WDFY2: variants seen among roughly 807,000 people sequenced by gnomAD.
WDFY2 encodes the protein WD repeat and FYVE domain containing 2.
In WDFY2, 36 loss-of-function variants were observed where a neutral mutation model predicts 56.4. The ratio of observed to expected loss-of-function variants is 0.64; its 90% CI spans 0.49 to 0.84. The LOEUF (loss-of-function observed/expected upper bound fraction) is 0.84, where lower values mean the gene tolerates loss of function less well. Ranked by LOEUF, WDFY2 falls within the 40% of genes least tolerant of loss-of-function variation. The pLI, the probability that WDFY2 is intolerant of heterozygous loss-of-function variation, is 0.00. For synonymous variants in WDFY2, 176 were observed against 183.7 expected (o/e 0.96, Z 0.34); for missense variants, 444 against 512.2 (o/e 0.87, Z 1.29).
chr13:51,673,680 G>A (rs1445430806), intron 2 of WDFY2, among the ~76,000 whole-genome samples: 1 of 151,952 alleles, frequency 6.6e-6, no homozygotes, highest in East Asian at 1.9e-4. Flanking sequence ...TATGAGACCC[G>A]GCATCTTAAT....
chr13:51,723,370 G>T (rs771506085), intron 5 of WDFY2, among the ~76,000 whole-genome samples: 2 of 152,052 alleles, frequency 1.3e-5, no homozygotes, highest in Non-Finnish European at 1.5e-5. Flanking sequence ...TTGTGCAGTG[G>T]ATTTGTTTGA....
chr13:51,671,958 ATT>A (rs1955816210), intron 2 of WDFY2, among the ~76,000 whole-genome samples: 3 of 151,144 alleles, frequency 2.0e-5, no homozygotes, highest in Non-Finnish European at 4.4e-5. Context: ...TAATTTTTGT[ATT>A]TTTAATAGAG....
At chr13:51,728,832 C>G (rs977479434) in intron 6 of WDFY2, among the ~76,000 whole-genome samples, 2 of 152,108 alleles carry the variant, frequency 1.3e-5, no homozygotes, top group African/African-American at 4.8e-5. Flanking sequence ...CCGCTTACAC[C>G]CTCACCTACA....
intron 1 of WDFY2, among the ~76,000 whole-genome samples, chr13:51,608,554 T>C (rs1008515621): frequency 6.6e-6 from 1 of 152,202 alleles, no homozygotes; most frequent in Admixed American, 6.5e-5. Context: ...TGGTGGCGCA[T>C]GCCTGTAATC....
chr13:51,751,532 T>C lies in WDFY2; in HGVS notation c.831+117T>C, dbSNP rs1392564443. On this transcript the variant is annotated intron_variant, in intron 8 of 11. Coordinates refer to ENST00000298125, the MANE Select transcript of WDFY2 (RefSeq NM_052950.4). ...AAATAAGGCATGTAACGTTAAAGAA[T>C]TGTAGCATAAAAGGAGTTGTTTGGG... The C allele has an allele frequency of 6.8e-6, 7 of 1,022,688 alleles. No homozygotes were observed. In the South Asian group the frequency reaches 8.5e-5, roughly 12 times the overall value. The allele number at this position is 1,022,688 out of a possible 1,614,324, so 63.4% of individuals were successfully genotyped here. A position where few individuals can be genotyped will look rare whatever the true frequency, so the allele number is the denominator to read the frequency against.
chr13:51,607,260 T>A (rs1368606614), intron 1 of WDFY2, among the ~76,000 whole-genome samples: 2 of 152,184 alleles, frequency 1.3e-5, no homozygotes, highest in East Asian at 3.8e-4. Context: ...GAGGCTGGGG[T>A]AGCTGGCATG....
chr13:51,692,007 T>C (rs908850359), intron 3 of WDFY2, among the ~76,000 whole-genome samples: 1 of 152,146 alleles, frequency 6.6e-6, no homozygotes, highest in African/African-American at 2.4e-5. Context: ...CTGTTATTGG[T>C]GTATAAGAAT....
chr13:51,729,312 C>T (rs1016099521), intron 6 of WDFY2, among the ~76,000 whole-genome samples: 1 of 152,082 alleles, frequency 6.6e-6, no homozygotes, highest in Non-Finnish European at 1.5e-5. Flanking sequence ...TTCACTCCTT[C>T]TCCCAGGCCC....
At chr13:51,710,156 C>G (rs532461751) in intron 4 of WDFY2, among the ~76,000 whole-genome samples, 1 of 152,136 alleles carries the variant, frequency 6.6e-6, no homozygotes, top group Non-Finnish European at 1.5e-5. Flanking sequence ...TAAACGTAAT[C>G]CATCATATAA....
chr13:51,677,419 A>G lies in WDFY2; in HGVS notation c.279+2176A>G, dbSNP rs573418342. Reference sequence around the variant, plus strand: ...TGTTTAAGGTTCAGGATTCACATTGATCACTGCAATAACAGGCTCTTTACT... The same window carrying G: ...TGTTTAAGGTTCAGGATTCACATTGGTCACTGCAATAACAGGCTCTTTACT... On this transcript the variant is annotated intron_variant, in intron 3 of 11. Coordinates refer to ENST00000298125, the MANE Select transcript of WDFY2 (RefSeq NM_052950.4). 2.4e-3 allele frequency among the ~76,000 whole-genome samples: 362 copies of G among 152,360 alleles called. 1 individual carries two copies. The highest frequency in any genetic ancestry group is 4.4e-3 in the Admixed American group (68 of 15,298).
chr13:51,671,276 T>C (rs1158521490), intron 2 of WDFY2, among the ~76,000 whole-genome samples: 1 of 152,182 alleles, frequency 6.6e-6, no homozygotes, highest in East Asian at 1.9e-4. Context: ...TTTTAGTTAT[T>C]TAAGGAATCT....
chr13:51,654,642 A>G (rs568758547), intron 1 of WDFY2, among the ~76,000 whole-genome samples: 7 of 152,314 alleles, frequency 4.6e-5, no homozygotes, highest in African/African-American at 1.4e-4. Flanking sequence ...TCAGGGAAAA[A>G]TGTTTTTCAT....
chr13:51,638,321 T>G (rs369488694), intron 1 of WDFY2, among the ~76,000 whole-genome samples: 5 of 151,890 alleles, frequency 3.3e-5, no homozygotes, highest in Non-Finnish European at 4.4e-5. Flanking sequence ...TTAATGAGAG[T>G]GTGAACTAAG....
At chr13:51,605,224 G>A (rs933779463) in intron 1 of WDFY2, among the ~76,000 whole-genome samples, 1 of 152,180 alleles carries the variant, frequency 6.6e-6, no homozygotes, top group African/African-American at 2.4e-5. Context: ...TCCACATATG[G>A]ACAGCACATT....
intron 1 of WDFY2, among the ~76,000 whole-genome samples, chr13:51,637,271 G>A (rs947795604): frequency 6.6e-6 from 1 of 152,028 alleles, no homozygotes; most frequent in Non-Finnish European, 1.5e-5. Context: ...AAAAGGGGAT[G>A]GGGCAATGCA....
chr13:51,665,157 T>A (rs1316399769), intron 2 of WDFY2, among the ~76,000 whole-genome samples: 3 of 152,252 alleles, frequency 2.0e-5, no homozygotes, highest in African/African-American at 7.2e-5. Flanking sequence ...AATTTGGGGA[T>A]GACTGCTGGC....
chr13:51,738,236 G>GA (rs767768496), intron 6 of WDFY2, among the ~76,000 whole-genome samples: 4 of 152,178 alleles, frequency 2.6e-5, no homozygotes, highest in Admixed American at 6.5e-5. Flanking sequence ...ATCTTAAGTG[G>GA]AAAAAATTCT....
intron 1 of WDFY2, among the ~76,000 whole-genome samples, chr13:51,605,874 G>A (rs952727546): frequency 6.6e-6 from 1 of 152,196 alleles, no homozygotes. Context: ...GACTTTGCCA[G>A]CATTTTATTA....
In WDFY2 at chr13:51,703,577, G is replaced by GTTTTC. The variant is rs761711070; in HGVS notation, c.280-9_280-5dup. On this transcript the variant is annotated intron_variant, in intron 3 of 11. Transcript: ENST00000298125. ...TTAAAGAATTTATTTTTGTTTAATA[G>GTTTTC]TTTTCTTTTCTTTTACAGGAGTTTA... 1.4e-4 allele frequency: 225 copies of GTTTTC among 1,558,086 alleles called. No individual in the cohort carries two copies. Among genetic ancestry groups the GTTTTC allele is most frequent in the Middle Eastern group, 1.9e-4 (1 of 5,190 alleles).
Sources: gnomAD v4.1 joint callset for allele counts (sites outside exome capture counted in the v4.1 genomes callset) on GRCh38, gnomAD v4.1.1 for gene constraint, MANE v1.5 for transcripts, NCBI Gene and HGNC (gene_info 2026-07-23, HGNC 2026-07-21) for gene names.